Variants in UGT1A8 observed in about 807,000 individuals in gnomAD.
The protein encoded by UGT1A8 is UDP-glucuronosyltransferase 1A8.
A neutral mutation model predicts 45.3 loss-of-function variants in UGT1A8; 39 were observed. That is an observed-to-expected ratio of 0.86 (90% CI 0.67 to 1.12). The LOEUF is 1.12. UGT1A8 is among the 50% of genes most tolerant of loss of function. The pLI, the probability that UGT1A8 is intolerant of heterozygous loss-of-function variation, is 0.00. For missense variants in UGT1A8, 719 were observed against 664.9 expected (o/e 1.08, Z -0.90); for synonymous variants, 275 against 249.2 (o/e 1.10, Z -0.97).
chr2:233,634,977 G>C (rs1161047430), intron 1 of UGT1A8, among the ~76,000 whole-genome samples: 2 of 150,080 alleles, frequency 1.3e-5, no homozygotes, highest in African/African-American at 4.9e-5. Context: ...TCCTTCAGGA[G>C]CTCTTGTAAG....
At chr2:233,637,163 T>C in intron 1 of UGT1A8, 1 of 1,613,958 alleles carries the variant, frequency 6.2e-7, no homozygotes, top group Non-Finnish European at 8.5e-7. Context: ...ATCGTGCACT[T>C]GGAGGACCAT....
At chr2:233,659,382 T>C (rs1268857849) in intron 1 of UGT1A8, among the ~76,000 whole-genome samples, 1 of 152,208 alleles carries the variant, frequency 6.6e-6, no homozygotes, top group Non-Finnish European at 1.5e-5. Flanking sequence ...TTTGATATGC[T>C]TTATGTGTTA....
chr2:233,710,441 T>G (rs568926544), intron 1 of UGT1A8, among the ~76,000 whole-genome samples: 1 of 152,258 alleles, frequency 6.6e-6, no homozygotes, highest in Non-Finnish European at 1.5e-5. Context: ...TTTTAGTCTT[T>G]TACATTTTAG....
chr2:233,686,291 A>T (rs994683738), intron 1 of UGT1A8, among the ~76,000 whole-genome samples: 1 of 152,170 alleles, frequency 6.6e-6, no homozygotes, highest in South Asian at 2.1e-4. Context: ...AACTAAAACA[A>T]GAAAAACAAG....
At chr2:233,771,306 T>TTTCCCTCTCCTC (rs2126060458) in intron 4 of UGT1A8, 1 of 152,368 alleles carries the variant, frequency 6.6e-6, no homozygotes, top group South Asian at 2.1e-4. Context: ...TCCTCCTCCT[T>TTTCCCTCTCCTC]TTCCCTCTCC....
At chr2:233,729,400 C>T in intron 1 of UGT1A8, 2 of 1,613,754 alleles carry the variant, frequency 1.2e-6, no homozygotes, top group South Asian at 2.2e-5. Context: ...ATTTGATCGC[C>T]ATGTGCTGGG....
At chr2:233,672,059 G>C in intron 1 of UGT1A8, 1 of 1,614,170 alleles carries the variant, frequency 6.2e-7, no homozygotes, top group Non-Finnish European at 8.5e-7. Context: ...TTCACCATGA[G>C]GTCGGTGGTG....
intron 1 of UGT1A8, among the ~76,000 whole-genome samples, chr2:233,624,829 T>C (rs974500765): frequency 6.6e-6 from 1 of 152,160 alleles, no homozygotes; most frequent in African/African-American, 2.4e-5. Flanking sequence ...CAGTGTTCTG[T>C]AGTTTTCAGT....
At chr2:233,630,207 T>C (rs569665054) in intron 1 of UGT1A8, among the ~76,000 whole-genome samples, 24 of 152,214 alleles carry the variant, frequency 1.6e-4, no homozygotes, top group Non-Finnish European at 2.8e-4. Context: ...CTGACCATCA[T>C]GTTTATTTTT....
chr2:233,742,812 T>C (rs992545321), intron 1 of UGT1A8: 2 of 153,630 alleles, frequency 1.3e-5, no homozygotes, highest in African/African-American at 4.9e-5. Context: ...AGTATTGATA[T>C]TATTTGTAGA....
At chr2:233,636,464 C>G in intron 1 of UGT1A8, 3 of 1,553,928 alleles carry the variant, frequency 1.9e-6, no homozygotes, top group Non-Finnish European at 2.6e-6. Flanking sequence ...GTACTTCTTC[C>G]GCCTACTGTA....
rs183136175 is a variant in UGT1A8, at chr2:233,621,740, T to A, written c.855+3178T>A. ...AAGAGAAATTTGTGTCAATCTTTTTTTAAATTATACTTTAAGTTCTAGGGT... is the reference window on the plus strand; with the variant it reads ...AAGAGAAATTTGTGTCAATCTTTTTATAAATTATACTTTAAGTTCTAGGGT... On this transcript the variant is annotated intron_variant, in intron 1 of 4. Coordinates refer to ENST00000373450, the MANE Select transcript of UGT1A8 (RefSeq NM_019076.5). Among the ~76,000 whole-genome samples, 33 of 152,306 alleles carry A rather than the reference T, an allele frequency of 2.2e-4. No homozygotes were observed. In the East Asian group the frequency reaches 6.2e-3, roughly 28 times the overall value.
intron 1 of UGT1A8, among the ~76,000 whole-genome samples, chr2:233,714,507 T>A (rs1275407158): frequency 6.6e-6 from 1 of 152,186 alleles, no homozygotes; most frequent in African/African-American, 2.4e-5. Flanking sequence ...TTAAAAAAAA[T>A]TCTTACTAGG....
In UGT1A8 at chr2:233,772,897, C is replaced by T. The variant is rs1320013324; in HGVS notation, c.*338C>T. 6.1e-6 allele frequency: 3 copies of T among 493,984 alleles called. No homozygotes were observed. Among genetic ancestry groups the T allele is most frequent in the Non-Finnish European group, 9.8e-6 (3 of 304,676 alleles). The allele number at this position is 493,984 out of a possible 1,614,324, so 30.6% of individuals were successfully genotyped here. A position where few individuals can be genotyped will look rare whatever the true frequency, so the allele number is the denominator to read the frequency against. ...AGTGCGGGATTCAAAGGTGGTCCCA[C>T]GGCTGCCCCTACTGCAAATGGCAGT... On this transcript the variant is annotated 3_prime_UTR_variant, in exon 5 of 5. Coordinates refer to ENST00000373450, the MANE Select transcript of UGT1A8 (RefSeq NM_019076.5).
In UGT1A8 at chr2:233,617,790, T is replaced by A. The variant is rs558062456; in HGVS notation, c.83T>A (p.Leu28Gln). The A allele has an allele frequency of 6.2e-7, 1 of 1,614,144 alleles. No homozygotes were observed. Among genetic ancestry groups the A allele is most frequent in the South Asian group, 1.1e-5 (1 of 91,076 alleles). ...TGTGGCTTTGCTGAGGCAGGGAAGCTGCTGGTAGTGCCCATGGATGGGAGT... is the reference window on the plus strand; with the variant it reads ...TGTGGCTTTGCTGAGGCAGGGAAGCAGCTGGTAGTGCCCATGGATGGGAGT... ...LTCGFAEAGK[L>Q]LVVPMDGSHW... Residue 28 changes from leucine (L) to glutamine (Q), a missense_variant, in exon 1 of 5, where the codon CTG (leucine) becomes CAG (glutamine). Leu to Gln is a moderately radical substitution (Grantham distance 113). Transcript: ENST00000373450.
intron 1 of UGT1A8, among the ~76,000 whole-genome samples, chr2:233,629,655 C>T (rs1393925401): frequency 2.0e-5 from 3 of 151,940 alleles, no homozygotes; most frequent in Admixed American, 2.0e-4. Context: ...TTAGGAAATC[C>T]CCTAGGCTTC....
In UGT1A8 at chr2:233,772,667, T is replaced by A; in HGVS notation, c.*108T>A. 1 of 1,538,078 alleles carries A rather than the reference T, an allele frequency of 6.5e-7. No individual in the cohort carries two copies. Among genetic ancestry groups the A allele is most frequent in the East Asian group, 2.4e-5 (1 of 40,984 alleles). Reference sequence around the variant, plus strand: ...TTTTATTCTTATTAAGGAAATACTTTGCATAAATTAATCAGCCCCAGAGTG... The same window carrying A: ...TTTTATTCTTATTAAGGAAATACTTAGCATAAATTAATCAGCCCCAGAGTG... On this transcript the variant is annotated 3_prime_UTR_variant, in exon 5 of 5. Coordinates refer to ENST00000373450, the MANE Select transcript of UGT1A8 (RefSeq NM_019076.5).
At chr2:233,746,951 C>A (rs1693515830) in intron 1 of UGT1A8, among the ~76,000 whole-genome samples, 1 of 151,748 alleles carries the variant, frequency 6.6e-6, no homozygotes, top group Admixed American at 6.5e-5. Context: ...GAAACAAGAG[C>A]TTGAACTTGG....
chr2:233,626,376 C>T (rs1170768328), intron 1 of UGT1A8, among the ~76,000 whole-genome samples: 3 of 151,918 alleles, frequency 2.0e-5, no homozygotes, highest in Non-Finnish European at 4.4e-5. Context: ...AAGCACTAAT[C>T]TCTATCAGGT....
Sources: allele counts gnomAD v4.1 joint callset (sites outside exome capture counted in the v4.1 genomes callset), GRCh38; gene constraint gnomAD v4.1.1; transcripts MANE v1.5; gene names NCBI Gene and HGNC (gene_info 2026-07-23, HGNC 2026-07-21).